SRFBP1: variants seen among roughly 807,000 people sequenced by gnomAD.
SRFBP1 encodes the protein serum response factor-binding protein 1.
A neutral mutation model predicts 45.5 loss-of-function variants in SRFBP1; 47 were observed. The ratio of observed to expected loss-of-function variants is 1.03; its 90% CI spans 0.82 to 1.32. The LOEUF (loss-of-function observed/expected upper bound fraction) is 1.32. Ranked by LOEUF, SRFBP1 falls within the 40% of genes most tolerant of loss-of-function variation. The pLI is 0.00. For missense variants in SRFBP1, 621 were observed against 484.6 expected, an observed-to-expected ratio of 1.28 and a Z score of -2.64; for synonymous variants, 203 against 166.3, an observed-to-expected ratio of 1.22 and a Z score of -1.70.
At chr5:122,041,983 ATTTT>A (rs541575438) in intron 2 of SRFBP1, among the ~76,000 whole-genome samples, 1 of 151,838 alleles carries the variant, frequency 6.6e-6, no homozygotes, top group African/African-American at 2.4e-5. Flanking sequence ...ACTGAAGTGT[ATTTT>A]TTTTCAGTTC....
In SRFBP1 at chr5:122,045,500, T is replaced by C. The variant is rs186334791; in HGVS notation, n.311+23093T>C. On this transcript the variant is annotated intron_variant and non_coding_transcript_variant, in intron 2 of 2. Transcript: ENST00000504881. ...TTCTATCCATGAGCATGGAATGTTT[T>C]TCCATATGTTTGTGTCATCTCTGAT... 1.1e-3 allele frequency among the ~76,000 whole-genome samples: 168 copies of C among 152,332 alleles called. 1 individual carries two copies. Among genetic ancestry groups the C allele is most frequent in the African/African-American group, 3.9e-3 (163 of 41,580 alleles).
At chr5:122,002,926 A>C (rs1752901208) in intron 4 of SRFBP1, among the ~76,000 whole-genome samples, 1 of 152,196 alleles carries the variant, frequency 6.6e-6, no homozygotes, top group South Asian at 2.1e-4. Flanking sequence ...CAATTAATTG[A>C]TGTTAGTCAT....
downstream of SRFBP1, among the ~76,000 whole-genome samples, chr5:122,032,374 T>C (rs1580536887): frequency 6.6e-6 from 1 of 152,088 alleles, no homozygotes; most frequent in South Asian, 2.1e-4. Flanking sequence ...TCCCATTGTT[T>C]GTTCTTTCCA....
At chr5:122,041,279 A>G (rs1753769071) in intron 2 of SRFBP1, among the ~76,000 whole-genome samples, 2 of 152,176 alleles carry the variant, frequency 1.3e-5, no homozygotes, top group South Asian at 2.1e-4. Flanking sequence ...ATGGTAGAGT[A>G]ATTGAAATAA....
At chr5:121,964,646 A>G (rs976028968) in intron 1 of SRFBP1, among the ~76,000 whole-genome samples, 2 of 152,212 alleles carry the variant, frequency 1.3e-5, no homozygotes, top group East Asian at 1.9e-4. Context: ...CAGTGCCACA[A>G]TAAACATACA....
At chr5:122,035,072 T>C (rs1753671958) in intron 2 of SRFBP1, among the ~76,000 whole-genome samples, 1 of 152,142 alleles carries the variant, frequency 6.6e-6, no homozygotes, top group Non-Finnish European at 1.5e-5. Context: ...TTTTTTCTAT[T>C]ACCCTTTCAC....
chr5:122,068,947 G>A (rs1002866512), intron 2 of SRFBP1, among the ~76,000 whole-genome samples: 6 of 151,948 alleles, frequency 3.9e-5, no homozygotes, highest in African/African-American at 1.5e-4. Flanking sequence ...GGGGTCGGGG[G>A]TTGGTTCTAC....
chr5:121,991,018 G>GA (rs139375117), intron 3 of SRFBP1, among the ~76,000 whole-genome samples: 12,595 of 152,132 alleles, frequency 0.083, 832 homozygotes, highest in African/African-American at 0.18. Context: ...TGCACTTGTA[G>GA]AAGCAATTTA....
At position 121,994,630 on chromosome 5, in the gene SRFBP1, C is replaced by G. The variant is rs371350099; in HGVS notation, c.230C>G (p.Ala77Gly). Residue 77 changes from alanine (A) to glycine (G), a missense_variant, in exon 4 of 8, where the codon GCT (alanine) becomes GGT (glycine). Ala to Gly is a moderately conservative substitution (Grantham distance 60, BLOSUM62 0). Transcript: ENST00000339397. Reference sequence around the variant, plus strand: ...AAACCTGACATAGTAACTAAATCTGCTCTTGGTGATGATATCAACTTTGAA... The same window carrying G: ...AAACCTGACATAGTAACTAAATCTGGTCTTGGTGATGATATCAACTTTGAA... ...ELKPDIVTKS[A>G]LGDDINFEKI... 1.3e-6 allele frequency: 2 copies of G among 1,596,950 alleles called. No homozygotes were observed. Among genetic ancestry groups the G allele is most frequent in the South Asian group, 2.3e-5 (2 of 87,704 alleles).
downstream of SRFBP1, among the ~76,000 whole-genome samples, chr5:122,032,998 C>CTCAT (rs1480722898): frequency 3.3e-5 from 5 of 152,014 alleles, no homozygotes; most frequent in Non-Finnish European, 7.4e-5. Context: ...TGTTGCCTCC[C>CTCAT]ATGACCTCTT....
intron 3 of SRFBP1, among the ~76,000 whole-genome samples, chr5:121,989,914 C>G (rs1043232473): frequency 2.0e-5 from 3 of 152,058 alleles, no homozygotes; most frequent in African/African-American, 4.8e-5. Flanking sequence ...AACTTTGTTT[C>G]TCTAAAGAAA....
chr5:122,047,118 G>C (rs1032768687), intron 2 of SRFBP1, among the ~76,000 whole-genome samples: 6 of 152,162 alleles, frequency 3.9e-5, no homozygotes, highest in African/African-American at 9.7e-5. Flanking sequence ...TGAAGTCCTT[G>C]CCCATGCCTA....
intron 4 of SRFBP1, among the ~76,000 whole-genome samples, chr5:121,997,300 C>G (rs1205272831): frequency 6.7e-6 from 1 of 149,792 alleles, no homozygotes; most frequent in Non-Finnish European, 1.5e-5. Flanking sequence ...CAGCATGGTA[C>G]TGGTACCAAA....
chr5:122,066,093 T>A (rs544639644), intron 2 of SRFBP1: 2 of 152,244 alleles, frequency 1.3e-5, no homozygotes, highest in East Asian at 3.9e-4. Context: ...CAAGTCAAAA[T>A]GAAATTGTGC....
At chr5:122,039,686 A>C (rs1753743429) in intron 2 of SRFBP1, among the ~76,000 whole-genome samples, 1 of 152,176 alleles carries the variant, frequency 6.6e-6, no homozygotes, top group Non-Finnish European at 1.5e-5. Flanking sequence ...GGGTTCTCTG[A>C]ATAATTGCAT....
At chr5:122,070,568 C>G in intron 2 of SRFBP1, 1 of 1,602,998 alleles carries the variant, frequency 6.2e-7, no homozygotes, top group Non-Finnish European at 8.5e-7. Flanking sequence ...CCATAGGTAT[C>G]ATAACAGCCA....
chr5:122,009,919 A>G (rs1476461241), intron 4 of SRFBP1, among the ~76,000 whole-genome samples: 1 of 152,106 alleles, frequency 6.6e-6, no homozygotes, highest in East Asian at 1.9e-4. Flanking sequence ...GGAACATCCC[A>G]TCCTGATCTG....
chr5:122,024,653 T>C (rs915234351), intron 7 of SRFBP1, among the ~76,000 whole-genome samples: 2 of 152,208 alleles, frequency 1.3e-5, no homozygotes, highest in African/African-American at 4.8e-5. Context: ...GGAAACTATA[T>C]TCTGATTGTA....
chr5:121,975,527 A>C, intron 3 of SRFBP1, 140 bp downstream of exon 3: 1 of 877,422 alleles, frequency 1.1e-6, no homozygotes, highest in South Asian at 1.7e-5. Context: ...TTGGTGAAGA[A>C]TGTAGCACAT....
Sources: gnomAD v4.1 joint callset for allele counts (sites outside exome capture counted in the v4.1 genomes callset) on GRCh38, gnomAD v4.1.1 for gene constraint, MANE v1.5 for transcripts, NCBI Gene and HGNC (gene_info 2026-07-23, HGNC 2026-07-21) for gene names.